TFG: variants seen among roughly 807,000 people sequenced by gnomAD.
TFG encodes trafficking from ER to golgi regulator, also known as protein TFG.
TFG carries 22 observed loss-of-function variants against 51.4 expected under a neutral mutation model. The ratio of observed to expected loss-of-function variants is 0.43; its 90% CI spans 0.31 to 0.61. The LOEUF is 0.61. TFG is among the 20% of genes least tolerant of loss of function. The pLI is 0.12. For synonymous variants in TFG, 187 were observed against 165.6 expected (o/e 1.13, Z -0.99); for missense variants, 419 against 487.7 (o/e 0.86, Z 1.33).
intron 5 of TFG, among the ~76,000 whole-genome samples, chr3:100,733,627 C>G (rs186247817): frequency 1.3e-5 from 2 of 152,130 alleles, no homozygotes; most frequent in African/African-American, 4.8e-5. Context: ...CACACTCCCC[C>G]CAACTCCAGT....
At chr3:100,729,509 A>G (rs1393634144) in intron 4 of TFG, among the ~76,000 whole-genome samples, 1 of 152,188 alleles carries the variant, frequency 6.6e-6, no homozygotes, top group Non-Finnish European at 1.5e-5. Context: ...AGTATGTGTT[A>G]ATGACTTGAA....
At chr3:100,743,436 G>T (rs1043758031) in intron 6 of TFG, 1 of 152,104 alleles carries the variant, frequency 6.6e-6, no homozygotes, top group Admixed American at 6.6e-5. Flanking sequence ...GATTAAGGTG[G>T]CATCTAAATT....
intron 6 of TFG, among the ~76,000 whole-genome samples, chr3:100,739,516 G>T (rs1362033281): frequency 6.6e-6 from 1 of 152,102 alleles, no homozygotes; most frequent in African/African-American, 2.4e-5. Context: ...AATCATCAGA[G>T]ATCGGGAGAT....
chr3:100,713,980 C>A, intron 2 of TFG, 111 bp downstream of exon 2: 1 of 588,538 alleles, frequency 1.7e-6, no homozygotes, highest in Non-Finnish European at 2.6e-6. Context: ...AGCTCAGTGT[C>A]ACCTCAAACT....
intron 7 of TFG, 134 bp from the exon 8 acceptor site, chr3:100,748,015 C>G: frequency 1.3e-6 from 1 of 785,396 alleles, no homozygotes; most frequent in Non-Finnish European, 2.0e-6. Flanking sequence ...GTGATGGAAT[C>G]TACCACTCTG....
chr3:100,740,597 T>A (rs1559721270), intron 6 of TFG, among the ~76,000 whole-genome samples: 1 of 152,098 alleles, frequency 6.6e-6, no homozygotes, highest in Non-Finnish European at 1.5e-5. Flanking sequence ...ATTTGGTCAT[T>A]TTTGTATTGT....
intron 5 of TFG, among the ~76,000 whole-genome samples, chr3:100,734,734 T>TA (rs1457048429): frequency 3.3e-5 from 5 of 152,224 alleles, no homozygotes; most frequent in African/African-American, 9.6e-5. Context: ...TTCATGGAAT[T>TA]ACTCACAAAA....
At chr3:100,714,465 A>T (rs1292815718) in intron 2 of TFG, among the ~76,000 whole-genome samples, 4 of 151,634 alleles carry the variant, frequency 2.6e-5, no homozygotes, top group African/African-American at 7.3e-5. Flanking sequence ...GTGCCACTGC[A>T]CTCCAGCCTG....
chr3:100,741,447 AG>A (rs2149093062), intron 6 of TFG, among the ~76,000 whole-genome samples: 2 of 152,342 alleles, frequency 1.3e-5, no homozygotes, highest in African/African-American at 4.8e-5. Context: ...TTATAGAATA[AG>A]GATATAAAGA....
chr3:100,709,943 G>A (rs1395698961), intron 1 of TFG: 1 of 145,406 alleles, frequency 6.9e-6, no homozygotes, highest in Non-Finnish European at 1.5e-5. Flanking sequence ...GGGGAAGGGA[G>A]GTCGCGGAGG....
intron 7 of TFG, among the ~76,000 whole-genome samples, chr3:100,746,268 T>A (rs1269148351): frequency 1.3e-5 from 2 of 152,168 alleles, no homozygotes; most frequent in Non-Finnish European, 2.9e-5. Context: ...TGGGGGAGGC[T>A]ATGTGTGGGG....
At chr3:100,745,723 T>C (rs2095133045) in intron 7 of TFG, among the ~76,000 whole-genome samples, 1 of 152,234 alleles carries the variant, frequency 6.6e-6, no homozygotes, top group South Asian at 2.1e-4. Context: ...TTCTATTTTA[T>C]AGAGTTTTGT....
chr3:100,735,787 A>G (rs74797541), intron 5 of TFG, among the ~76,000 whole-genome samples: 2,216 of 152,288 alleles, frequency 0.015, 50 homozygotes, highest in African/African-American at 0.05. Context: ...TCCATATGTA[A>G]GTTAGAGTGC....
At chr3:100,736,390 G>A (rs901104067) in intron 5 of TFG, among the ~76,000 whole-genome samples, 186 bp from the exon 6 acceptor site, 1 of 152,122 alleles carries the variant, frequency 6.6e-6, no homozygotes, top group Admixed American at 6.5e-5. Context: ...TCCAGTTGTA[G>A]CTTTGGATTA....
At chr3:100,735,725 A>T (rs749070427) in intron 5 of TFG, among the ~76,000 whole-genome samples, 6 of 152,194 alleles carry the variant, frequency 3.9e-5, no homozygotes, top group Non-Finnish European at 7.3e-5. Flanking sequence ...GAACTGTAAT[A>T]TATTCTCTCC....
intron 6 of TFG, among the ~76,000 whole-genome samples, chr3:100,739,766 A>G (rs1390528267): frequency 6.6e-6 from 1 of 152,210 alleles, no homozygotes; most frequent in African/African-American, 2.4e-5. Flanking sequence ...AAATCAAATT[A>G]TGAACAGCTT....
chr3:100,724,768 A>AAG (rs781669290), intron 3 of TFG, among the ~76,000 whole-genome samples: 9 of 152,268 alleles, frequency 5.9e-5, no homozygotes, highest in Non-Finnish European at 8.8e-5. Flanking sequence ...CAAGGAGTCT[A>AAG]AGATTGCTTT....
chr3:100,723,634 A>G (rs1520649), intron 3 of TFG, among the ~76,000 whole-genome samples: 38,787 of 152,024 alleles, frequency 0.26, 5,526 homozygotes, highest in East Asian at 0.51. Flanking sequence ...TAGTCACTTT[A>G]TGATGATAAA....
intron 6 of TFG, among the ~76,000 whole-genome samples, chr3:100,741,169 TA>T (rs768204691): frequency 1.3e-5 from 2 of 151,200 alleles, no homozygotes; most frequent in East Asian, 3.9e-4. Context: ...CCTACTTATT[TA>T]AAAAAAAACA....
Sources: gnomAD v4.1 joint callset for allele counts (sites outside exome capture counted in the v4.1 genomes callset) on GRCh38, gnomAD v4.1.1 for gene constraint, MANE v1.5 for transcripts, NCBI Gene and HGNC (gene_info 2026-07-23, HGNC 2026-07-21) for gene names.